The following EIF3E variants were observed in gnomAD, a reference collection of about 807,000 sequenced individuals.
EIF3E encodes eukaryotic translation initiation factor 3 subunit E, also known as eIF-3 p48.
A neutral mutation model predicts 59.3 loss-of-function variants in EIF3E; 25 were observed. The ratio of observed to expected loss-of-function variants is 0.42; its 90% CI spans 0.31 to 0.59. The LOEUF is 0.59. Ranked by LOEUF, EIF3E falls within the 20% of genes least tolerant of loss-of-function variation. The probability of loss-of-function intolerance (pLI) is 0.15; values close to 1 mark genes in which losing one functional copy is unlikely to be tolerated. For missense variants in EIF3E, 317 were observed against 534.3 expected, an observed-to-expected ratio of 0.59 and a Z score of 4.01; for synonymous variants, 176 against 170.2, an observed-to-expected ratio of 1.03 and a Z score of -0.26.
chr8:108,215,393 C>G (rs182616675), intron 9 of EIF3E, among the ~76,000 whole-genome samples: 1,623 of 152,062 alleles, frequency 0.011, 31 homozygotes, highest in African/African-American at 0.036. Flanking sequence ...CCGAGGTGGG[C>G]AGATCACAAG....
intron 10 of EIF3E, among the ~76,000 whole-genome samples, chr8:108,210,733 C>T (rs1815191115): frequency 6.6e-6 from 1 of 152,094 alleles, no homozygotes; most frequent in Non-Finnish European, 1.5e-5. Context: ...TCTCCTAATG[C>T]TATCCCTCCC....
At chr8:108,222,430 T>A (rs923887187) in intron 7 of EIF3E, among the ~76,000 whole-genome samples, 1 of 152,174 alleles carries the variant, frequency 6.6e-6, no homozygotes, top group South Asian at 2.1e-4. Flanking sequence ...TATGCATCTA[T>A]ATATAGATAA....
intron 10 of EIF3E, among the ~76,000 whole-genome samples, chr8:108,212,386 GAT>G (rs1336828848): frequency 6.6e-6 from 1 of 152,210 alleles, no homozygotes; most frequent in East Asian, 1.9e-4. Context: ...CACATTTTCA[GAT>G]ATAAAACATT....
At chr8:108,235,135 T>C (rs917522088) in intron 4 of EIF3E, 33 bp from the exon 5 acceptor site, 1 of 1,357,342 alleles carries the variant, frequency 7.4e-7, no homozygotes, top group Non-Finnish European at 9.9e-7. Context: ...AAGTTCTCTT[T>C]AATTTAGAGT....
At chr8:108,226,488 G>A (rs1328946058) in intron 7 of EIF3E, among the ~76,000 whole-genome samples, 1 of 152,142 alleles carries the variant, frequency 6.6e-6, no homozygotes, top group South Asian at 2.1e-4. Context: ...AAGCCACTGC[G>A]CCCGGCCTAC....
chr8:108,229,830 G>C (rs1815588306), intron 5 of EIF3E, among the ~76,000 whole-genome samples: 1 of 152,022 alleles, frequency 6.6e-6, no homozygotes, highest in Non-Finnish European at 1.5e-5. Flanking sequence ...AATACATATA[G>C]AGTGTAACTT....
At chr8:108,245,044 C>A (rs1815920694) in intron 1 of EIF3E, among the ~76,000 whole-genome samples, 2 of 152,068 alleles carry the variant, frequency 1.3e-5, no homozygotes, top group Non-Finnish European at 2.9e-5. Flanking sequence ...CCACACTTAA[C>A]CAATCCTTGT....
At chr8:108,204,545 C>T (rs934574874) in intron 10 of EIF3E, among the ~76,000 whole-genome samples, 11 of 151,604 alleles carry the variant, frequency 7.3e-5, no homozygotes, top group East Asian at 1.9e-4. Context: ...ATCCATGTAA[C>T]GAAACACCAC....
chr8:108,227,235 G>T (rs973284475), intron 7 of EIF3E: 1 of 152,132 alleles, frequency 6.6e-6, no homozygotes, highest in Non-Finnish European at 1.5e-5. Flanking sequence ...GACGGGGGAG[G>T]ATGGCTTGAG....
intron 5 of EIF3E, among the ~76,000 whole-genome samples, chr8:108,231,018 G>A (rs995267364): frequency 6.6e-6 from 1 of 152,122 alleles, no homozygotes; most frequent in Non-Finnish European, 1.5e-5. Flanking sequence ...GACCATGGGT[G>A]GAGTATGGCC....
intron 5 of EIF3E, among the ~76,000 whole-genome samples, chr8:108,231,160 A>G (rs1815615120): frequency 6.6e-6 from 1 of 152,190 alleles, no homozygotes; most frequent in Non-Finnish European, 1.5e-5. Flanking sequence ...AATCCATAAA[A>G]TAATTGTTCT....
Position 108,207,549 on chromosome 8 carries a change from C to T in EIF3E, c.1062-4046G>A, listed in dbSNP as rs1815127006. On this transcript the variant is annotated intron_variant, in intron 10 of 12. Transcript: ENST00000220849. ...CTAAAAGACAAAATCCATCAAAATG[C>T]AGAATTTCTGAGAAAAATATCTAGT... 1.3e-5 allele frequency among the ~76,000 whole-genome samples: 2 copies of T among 152,080 alleles called. 1 individual carries two copies. Among genetic ancestry groups the T allele is most frequent in the Admixed American group, 1.3e-4 (2 of 15,280 alleles).
chr8:108,209,926 A>G (rs1815175571), intron 10 of EIF3E, among the ~76,000 whole-genome samples: 1 of 152,080 alleles, frequency 6.6e-6, no homozygotes, highest in South Asian at 2.1e-4. Flanking sequence ...TGGCTGCTAT[A>G]TTTTACTGTG....
intron 7 of EIF3E, among the ~76,000 whole-genome samples, 173 bp from the exon 8 acceptor site, chr8:108,217,633 G>A (rs1285693227): frequency 2.6e-5 from 4 of 152,106 alleles, no homozygotes; most frequent in Non-Finnish European, 5.9e-5. Context: ...CCAGTTTCAG[G>A]AATCCAAATG....
chr8:108,223,406 G>A (rs777237113), intron 7 of EIF3E, among the ~76,000 whole-genome samples: 17 of 152,132 alleles, frequency 1.1e-4, no homozygotes, highest in Non-Finnish European at 1.0e-4. Context: ...CTATCTGCAC[G>A]ACAAAGAGTT....
Position 108,223,957 on chromosome 8 carries a change from C to A in EIF3E, c.722+4310G>T, listed in dbSNP as rs562651061. On this transcript the variant is annotated intron_variant, in intron 7 of 12. Coordinates refer to ENST00000220849, the MANE Select transcript of EIF3E (RefSeq NM_001568.3). ...GTATGGCCAGGCACGGTGGCTCACA[C>A]CAGTAATCCCAGCACTTTGGGATTC... Among the ~76,000 whole-genome samples, 5 of 151,362 alleles carry A rather than the reference C, an allele frequency of 3.3e-5. No homozygotes were observed. The East Asian group carries it at 9.6e-4, about 29-fold the overall frequency.
At chr8:108,225,683 C>T (rs1313692279) in intron 7 of EIF3E, among the ~76,000 whole-genome samples, 3 of 151,474 alleles carry the variant, frequency 2.0e-5, no homozygotes, top group South Asian at 2.1e-4. Flanking sequence ...TCACAATTAT[C>T]GGAAAAGGAT....
intron 12 of EIF3E, 80 bp downstream of exon 12, chr8:108,202,903 C>T: frequency 6.9e-7 from 1 of 1,444,648 alleles, no homozygotes; most frequent in South Asian, 1.6e-5. Flanking sequence ...AGCTACAACT[C>T]ATCAATACAC....
At chr8:108,242,653 A>G (rs1815860236) in intron 1 of EIF3E, 2 of 1,144,988 alleles carry the variant, frequency 1.7e-6, no homozygotes, top group South Asian at 2.0e-5. Context: ...GTATTTAGCC[A>G]TGAGAGCAAA....
Sources: gnomAD v4.1 joint callset for allele counts (sites outside exome capture counted in the v4.1 genomes callset) on GRCh38, gnomAD v4.1.1 for gene constraint, MANE v1.5 for transcripts, NCBI Gene and HGNC (gene_info 2026-07-23, HGNC 2026-07-21) for gene names.